Variants in SPG7 observed in about 807,000 individuals in gnomAD.
SPG7 encodes the protein mitochondrial inner membrane m-AAA protease component paraplegin.
Under a neutral mutation model 81.9 loss-of-function variants are expected in SPG7, and 103 were observed. The ratio of observed to expected loss-of-function variants is 1.26; its 90% confidence interval spans 1.07 to 1.48. SPG7 has a LOEUF of 1.48. Ranked by LOEUF, SPG7 falls within the 40% of genes most tolerant of loss-of-function variation. The probability of loss-of-function intolerance (pLI) is 0.00; values close to 1 mark genes in which losing one functional copy is unlikely to be tolerated. For synonymous variants in SPG7, 534 were observed against 444.2 expected, an observed-to-expected ratio of 1.20 and a Z score of -2.54; for missense variants, 1,241 against 1,087.3, an observed-to-expected ratio of 1.14 and a Z score of -1.99.
At chr16:89,530,306 A>G (rs12448464) in intron 6 of SPG7, 214,731 of 338,924 alleles carry the variant, frequency 0.63, 69,145 homozygotes, top group East Asian at 0.8. Flanking sequence ...CACCACACCC[A>G]GCTAATTTTT....
chr16:89,516,458 T>C (rs1258016591), intron 3 of SPG7, among the ~76,000 whole-genome samples: 2 of 151,162 alleles, frequency 1.3e-5, no homozygotes, highest in Non-Finnish European at 2.9e-5. Flanking sequence ...GTCTGAGGCG[T>C]GAGCATCGTT....
Position 89,532,520 on chromosome 16 carries a change from G to A in SPG7, c.1208G>A (p.Cys403Tyr). ...LFKEARARAPCIVYIDEIDAV... is the reference protein window; with the variant it reads ...LFKEARARAPYIVYIDEIDAV... The stretch of plus-strand genomic sequence containing the variant: ...AAGGAAGCCCGAGCCCGGGCCCCCT[G>A]CATCGTCTACATCGATGAGATCGAC... Residue 403 changes from cysteine to tyrosine, a missense_variant, in exon 9 of 17, where the codon TGC (cysteine) becomes TAC (tyrosine). Transcript: ENST00000645818. The A allele has an allele frequency of 6.2e-7, 1 of 1,613,724 alleles. No homozygotes were observed. Among genetic ancestry groups the A allele is most frequent in the Non-Finnish European group, 8.5e-7 (1 of 1,180,032 alleles).
At position 89,550,582 on chromosome 16, in the gene SPG7, G is replaced by C. The variant is rs753337774; in HGVS notation, c.1752G>C (p.Met584Ile). The part of the protein sequence containing the change: ...HESGHALVGW[M>I]LEHTEAVMKV... ...CGGGCCACGCCTTGGTGGGCTGGATGCTGGAGCACACGGAGGCCGTGATGA... is the reference window on the plus strand; with the variant it reads ...CGGGCCACGCCTTGGTGGGCTGGATCCTGGAGCACACGGAGGCCGTGATGA... Residue 584 changes from methionine to isoleucine, a missense_variant, in exon 13 of 17, where the codon ATG becomes ATC. Met to Ile is a conservative substitution (Grantham distance 10). Coordinates refer to ENST00000645818, the MANE Select transcript of SPG7 (RefSeq NM_003119.4). 3.7e-6 allele frequency: 6 copies of C among 1,613,626 alleles called. No homozygotes were observed. The African/African-American group carries it at 8.0e-5, about 22-fold the overall frequency.
rs78873539 is a variant in SPG7 at position 89,541,521 on chromosome 16, T to C, written c.1325-3127T>C. The C allele has an allele frequency of 6.0e-3, 1,028 of 172,212 alleles. 7 individuals carry two copies. The highest frequency in any genetic ancestry group is 0.022 in the African/African-American group (909 of 41,950). 10.7% of individuals were successfully genotyped at this position (172,212 alleles called of 1,614,324 possible). Reference sequence around the variant, plus strand: ...GTGTCTTGAGGGGAGATGCTCGTTATGTGAACGTGCGTGTGACACAGGTGT... The same window carrying C: ...GTGTCTTGAGGGGAGATGCTCGTTACGTGAACGTGCGTGTGACACAGGTGT... On this transcript the variant is annotated intron_variant, in intron 9 of 16. Transcript: ENST00000645818.
At chr16:89,556,433 T>C in intron 16 of SPG7, 1 of 303,370 alleles carries the variant, frequency 3.3e-6, no homozygotes, top group South Asian at 4.9e-5. Flanking sequence ...CACAGGACAG[T>C]CGGTGTCTCA....
intron 1 of SPG7, chr16:89,508,802 G>A (rs1285886879): frequency 2.8e-6 from 2 of 707,578 alleles, no homozygotes; most frequent in East Asian, 2.7e-5. Context: ...GCCGGGAAGA[G>A]GCAGGGCTGG....
intron 12 of SPG7, 74 bp from the exon 13 acceptor site, chr16:89,550,420 G>A (rs974772271): frequency 2.8e-5 from 29 of 1,027,414 alleles, no homozygotes; most frequent in African/African-American, 2.7e-4. Flanking sequence ...TCATCCGCCC[G>A]CCTTGGCCTC....
Position 89,529,577 on chromosome 16 carries a change from T to G in SPG7, c.859T>G (p.Phe287Val), listed in dbSNP as rs764294777. 31 of 1,607,926 alleles carry G rather than the reference T, an allele frequency of 1.9e-5. No homozygotes were observed. The highest frequency in any genetic ancestry group is 2.6e-5 in the Non-Finnish European group (31 of 1,174,484). Residue 287 changes from phenylalanine to valine, a missense_variant and splice_region_variant, in exon 6 of 17, where the codon TTT (phenylalanine) becomes GTT (valine). Transcript: ENST00000645818. ...MTGREGGFSA[F>V]NQLKMARFTI... ...TGGAAGGGAAGGTGGATTCAGTGCT[T>G]TTGTAAGTTCTGTAAATCAGAGCTC... is the stretch of plus-strand genomic sequence containing the variant.
chr16:89,531,277 A>AGGG (rs2152403060), intron 7 of SPG7: 1 of 263,790 alleles, frequency 3.8e-6, no homozygotes, highest in Non-Finnish European at 7.5e-6. Context: ...TAGTCCTGGC[A>AGGG]CCTCGGGGCG....
intron 9 of SPG7, 184 bp downstream of exon 9, chr16:89,532,820 A>C: frequency 2.8e-6 from 2 of 719,532 alleles, no homozygotes; most frequent in South Asian, 3.3e-5. Flanking sequence ...GCAGTGGCTC[A>C]CGCCTGTAAT....
Position 89,526,465 on chromosome 16 carries a change from G to C in SPG7, c.755G>C (p.Gly252Ala). The change falls in exon 5 of 17, where the codon GGA becomes GCA. Residue 252 changes from glycine (G) to alanine (A), a missense_variant. Transcript: ENST00000645818. ...TCCTACAAGCGAACAGGATTCTTTG[G>C]AAAGTATGTTGGATGTATTTGTTGA... ...PVSYKRTGFF[G>A]NALYSVGMTA... 6.2e-7 allele frequency: 1 copy of C among 1,614,170 alleles called. No individual in the cohort carries two copies. Among genetic ancestry groups the C allele is most frequent in the Non-Finnish European group, 8.5e-7 (1 of 1,180,028 alleles).
intron 9 of SPG7, chr16:89,537,354 C>A: frequency 8.6e-7 from 1 of 1,159,080 alleles, no homozygotes; most frequent in South Asian, 2.3e-5. Context: ...GGTCCCGGCT[C>A]CTGTGCTGGA....
chr16:89,525,344 C>T (rs1222321528), intron 4 of SPG7, among the ~76,000 whole-genome samples: 1 of 152,226 alleles, frequency 6.6e-6, no homozygotes, highest in Non-Finnish European at 1.5e-5. Flanking sequence ...GGTGCTCATT[C>T]ACGTAAATCC....
At chr16:89,537,215 G>T in intron 9 of SPG7, 1 of 1,427,816 alleles carries the variant, frequency 7.0e-7, no homozygotes, top group Non-Finnish European at 9.1e-7. Flanking sequence ...AAATCTCACT[G>T]GGGAAGAGAA....
At chr16:89,526,548 T>C (rs989147091) in intron 5 of SPG7, 80 bp downstream of exon 5, 18 of 1,531,842 alleles carry the variant, frequency 1.2e-5, no homozygotes, top group Non-Finnish European at 1.4e-5. Flanking sequence ...CAATCAAAAA[T>C]CTCAAACTGT....
At chr16:89,545,659 G>GGCTTCTCCAGGGGAGGGCA (rs886162933) in intron 10 of SPG7, 7 of 262,400 alleles carry the variant, frequency 2.7e-5, no homozygotes, top group East Asian at 1.6e-4. Flanking sequence ...CAGGGGACAC[G>GGCTTCTCCAGGGGAGGGCA]GCTTCTCCAG....
intron 10 of SPG7, 68 bp downstream of exon 10, chr16:89,544,840 C>A: frequency 1.3e-6 from 2 of 1,587,202 alleles, no homozygotes; most frequent in South Asian, 2.2e-5. Context: ...AGTGGTCTGG[C>A]CTCTCCTCTA....
At chr16:89,534,517 T>C (rs1291173945) in intron 9 of SPG7, among the ~76,000 whole-genome samples, 1 of 152,226 alleles carries the variant, frequency 6.6e-6, no homozygotes, top group African/African-American at 2.4e-5. Context: ...ATTTTAGGTA[T>C]TGTAGATGAG....
intron 12 of SPG7, chr16:89,549,610 G>C (rs527662767): frequency 1.7e-5 from 4 of 242,116 alleles, no homozygotes; most frequent in Non-Finnish European, 2.5e-5. Context: ...TGAAGCAACA[G>C]TGAGCCGTGA....
Sources: gnomAD v4.1 joint callset for allele counts (sites outside exome capture counted in the v4.1 genomes callset) on GRCh38, gnomAD v4.1.1 for gene constraint, MANE v1.5 for transcripts, NCBI Gene and HGNC (gene_info 2026-07-23, HGNC 2026-07-21) for gene names.